Variants in CTNNA3 observed in about 807,000 individuals in gnomAD.
CTNNA3 encodes the protein catenin alpha 3, also known as catenin alpha-3.
Under a neutral mutation model 95.7 loss-of-function variants are expected in CTNNA3, and 76 were observed. The observed-to-expected ratio is 0.79, with a 90% CI of 0.66 to 0.96. The LOEUF is 0.96. Among genes scored for constraint, CTNNA3 ranks in the 40% least tolerant of loss-of-function variants. The pLI is 0.00. For synonymous variants in CTNNA3, 431 were observed against 374.4 expected (o/e 1.15, Z -1.74); for missense variants, 1,191 against 1,089.8 (o/e 1.09, Z -1.31).
intron 7 of CTNNA3, among the ~76,000 whole-genome samples, chr10:66,828,245 T>TA (rs1564708717): frequency 1.3e-5 from 2 of 152,238 alleles, no homozygotes; most frequent in Non-Finnish European, 2.9e-5. Flanking sequence ...CAGCAAAATC[T>TA]AGACTATCTC....
intron 7 of CTNNA3, among the ~76,000 whole-genome samples, chr10:66,984,437 A>T (rs962567320): frequency 6.6e-6 from 1 of 152,198 alleles, no homozygotes; most frequent in African/African-American, 2.4e-5. Context: ...AATTGACCAA[A>T]TGTAAATATG....
At chr10:65,977,909 A>C (rs2133291622) in intron 16 of CTNNA3, among the ~76,000 whole-genome samples, 1 of 152,330 alleles carries the variant, frequency 6.6e-6, no homozygotes, top group African/African-American at 2.4e-5. Context: ...TGTGAATTTC[A>C]AAAATAGGAA....
intron 7 of CTNNA3, among the ~76,000 whole-genome samples, chr10:67,155,140 G>A (rs1194685713): frequency 2.0e-5 from 3 of 151,678 alleles, no homozygotes; most frequent in African/African-American, 7.3e-5. Flanking sequence ...CCAAGAACAA[G>A]AAGCATGTCT....
At chr10:66,614,068 C>T (rs571907207) in intron 10 of CTNNA3, among the ~76,000 whole-genome samples, 14 of 152,226 alleles carry the variant, frequency 9.2e-5, no homozygotes, top group African/African-American at 3.4e-4. Flanking sequence ...GTCTAATGCT[C>T]TTACTGAAGT....
intron 3 of CTNNA3, among the ~76,000 whole-genome samples, chr10:67,605,415 C>T (rs1843234592): frequency 1.3e-5 from 2 of 152,010 alleles, no homozygotes; most frequent in Non-Finnish European, 2.9e-5. Flanking sequence ...TACAAAGTTG[C>T]AGTTATGAAG....
At chr10:65,948,614 G>A (rs188949224) in intron 17 of CTNNA3, among the ~76,000 whole-genome samples, 10 of 152,008 alleles carry the variant, frequency 6.6e-5, no homozygotes, top group African/African-American at 2.4e-4. Flanking sequence ...CCACAAATCC[G>A]TGCTAAAGAG....
intron 11 of CTNNA3, among the ~76,000 whole-genome samples, chr10:66,388,891 C>G (rs1009181793): frequency 2.0e-5 from 3 of 152,048 alleles, no homozygotes; most frequent in Non-Finnish European, 4.4e-5. Context: ...GCATGAAGCT[C>G]TAAACATAGA....
chr10:65,947,807 C>T (rs1390217256), intron 17 of CTNNA3, among the ~76,000 whole-genome samples: 11 of 152,184 alleles, frequency 7.2e-5, no homozygotes, highest in Non-Finnish European at 1.3e-4. Flanking sequence ...CTTTCTTACA[C>T]GTTTTTCAAT....
At chr10:66,707,174 A>G (rs184299103) in intron 9 of CTNNA3, among the ~76,000 whole-genome samples, 22 of 152,138 alleles carry the variant, frequency 1.4e-4, no homozygotes, top group African/African-American at 4.3e-4. Context: ...AAATATTGGG[A>G]AGGTATTTTT....
chr10:66,036,944 C>T (rs2079577021), intron 15 of CTNNA3, among the ~76,000 whole-genome samples: 1 of 143,842 alleles, frequency 7.0e-6, no homozygotes, highest in Non-Finnish European at 1.5e-5. Flanking sequence ...GCGATCTCAG[C>T]TCACTGCAAG....
At chr10:67,418,587 T>C (rs989807749) in intron 5 of CTNNA3, among the ~76,000 whole-genome samples, 4 of 151,704 alleles carry the variant, frequency 2.6e-5, no homozygotes, top group African/African-American at 7.3e-5. Context: ...TTAAGTGATA[T>C]GTCAGGCACA....
intron 7 of CTNNA3, among the ~76,000 whole-genome samples, chr10:66,846,988 GC>G (rs1267275811): frequency 3.9e-5 from 6 of 152,296 alleles, no homozygotes; most frequent in Admixed American, 3.3e-4. Context: ...TCTTACAGCA[GC>G]TTTTGACTTT....
intron 11 of CTNNA3, among the ~76,000 whole-genome samples, chr10:66,476,531 A>C (rs1839332131): frequency 6.6e-6 from 1 of 152,128 alleles, no homozygotes; most frequent in Non-Finnish European, 1.5e-5. Context: ...TTTTTCTAAA[A>C]TAGTTGATTA....
chr10:67,706,967 A>G (rs1283291514), intron 1 of CTNNA3, among the ~76,000 whole-genome samples: 9 of 152,196 alleles, frequency 5.9e-5, no homozygotes, highest in Admixed American at 5.9e-4. Flanking sequence ...TCTGACATTC[A>G]TATCCCAATA....
intron 9 of CTNNA3, among the ~76,000 whole-genome samples, chr10:66,693,209 G>A (rs1847623323): frequency 6.6e-6 from 1 of 152,014 alleles, no homozygotes; most frequent in Admixed American, 6.6e-5. Flanking sequence ...CTGTATTCAG[G>A]AAACCCATCT....
chr10:67,068,376 T>G (rs1217614756), intron 7 of CTNNA3, among the ~76,000 whole-genome samples: 1 of 152,176 alleles, frequency 6.6e-6, no homozygotes, highest in African/African-American at 2.4e-5. Context: ...GAATTCAGTC[T>G]TGCATGTGTT....
chr10:65,998,365 C>T (rs538833323), intron 15 of CTNNA3, among the ~76,000 whole-genome samples: 1 of 152,174 alleles, frequency 6.6e-6, no homozygotes, highest in South Asian at 2.1e-4. Flanking sequence ...GGACATTTTT[C>T]TATCTTCCCT....
intron 11 of CTNNA3, among the ~76,000 whole-genome samples, chr10:66,514,056 G>A (rs921018822): frequency 6.6e-6 from 1 of 152,236 alleles, no homozygotes; most frequent in Admixed American, 6.5e-5. Flanking sequence ...ATTTTTGATG[G>A]CATTGAAAGT....
intron 10 of CTNNA3, among the ~76,000 whole-genome samples, chr10:66,580,327 A>T (rs894877600): frequency 1.3e-5 from 2 of 151,594 alleles, no homozygotes; most frequent in Non-Finnish European, 3.0e-5. Flanking sequence ...AATGGGGTAC[A>T]TGTGCTATCT....
Sources: allele counts gnomAD v4.1 joint callset (sites outside exome capture counted in the v4.1 genomes callset), GRCh38; gene constraint gnomAD v4.1.1; transcripts MANE v1.5; gene names NCBI Gene and HGNC (gene_info 2026-07-23, HGNC 2026-07-21).